ARHGEF7: variants seen among roughly 807,000 people sequenced by gnomAD.
ARHGEF7 encodes the protein PAK-interacting exchange factor beta.
In ARHGEF7, 33 loss-of-function variants were observed where a neutral mutation model predicts 109.8. The observed-to-expected ratio is 0.30, with a 90% CI of 0.23 to 0.40. The LOEUF (loss-of-function observed/expected upper bound fraction) is 0.40. Ranked by LOEUF, ARHGEF7 falls within the 10% of genes least tolerant of loss-of-function variation. The pLI, the probability that ARHGEF7 is intolerant of heterozygous loss-of-function variation, is 1.00. For synonymous variants in ARHGEF7, 458 were observed against 424.6 expected (o/e 1.08, Z -0.97); for missense variants, 938 against 1,098.5 (o/e 0.85, Z 2.07).
intron 2 of ARHGEF7, among the ~76,000 whole-genome samples, chr13:111,158,128 AGTTCT>A (rs767204018): frequency 4.6e-5 from 7 of 152,236 alleles, no homozygotes; most frequent in East Asian, 1.9e-4. Context: ...ATTTTAACTT[AGTTCT>A]GTTTGAAAGA....
intron 2 of ARHGEF7, among the ~76,000 whole-genome samples, chr13:111,176,897 C>G (rs909683796): frequency 6.6e-6 from 1 of 152,222 alleles, no homozygotes; most frequent in Non-Finnish European, 1.5e-5. Flanking sequence ...GCTGGGACTA[C>G]AGGCGTGTAC....
chr13:111,185,637 G>C (rs1389839338), intron 2 of ARHGEF7, among the ~76,000 whole-genome samples: 1 of 152,248 alleles, frequency 6.6e-6, no homozygotes, highest in East Asian at 1.9e-4. Flanking sequence ...CATCTGCCCA[G>C]ATCCTTCTTT....
rs1010455812 is a variant in ARHGEF7 at position 111,302,383 on chromosome 13, G to C, written c.2467-608G>C. 3.9e-5 allele frequency among the ~76,000 whole-genome samples: 6 copies of C among 152,244 alleles called. 1 individual carries two copies. Among genetic ancestry groups the C allele is most frequent in the Admixed American group, 6.5e-5 (1 of 15,288 alleles). ...GAGGAACAGCCTGAGAAGAGTTGTGGTCTGGGATAGAGAGCTGAGAGCAGG... is the reference window on the plus strand; with the variant it reads ...GAGGAACAGCCTGAGAAGAGTTGTGCTCTGGGATAGAGAGCTGAGAGCAGG... On this transcript the variant is annotated intron_variant, in intron 21 of 21. Transcript: ENST00000646102.
chr13:111,205,160 C>G (rs1407971335), intron 2 of ARHGEF7, 129 bp from the exon 3 acceptor site: 6 of 637,726 alleles, frequency 9.4e-6, no homozygotes, highest in Non-Finnish European at 1.6e-5. Context: ...GTGCTGGTCT[C>G]CCTGTCGCAG....
chr13:111,216,241 A>C (rs1288583759), intron 4 of ARHGEF7, among the ~76,000 whole-genome samples: 1 of 151,510 alleles, frequency 6.6e-6, no homozygotes, highest in Non-Finnish European at 1.5e-5. Flanking sequence ...AAGTTCTTTT[A>C]TTTCCCACAA....
intron 2 of ARHGEF7, among the ~76,000 whole-genome samples, chr13:111,187,476 T>C (rs2079387074): frequency 6.6e-6 from 1 of 152,220 alleles, no homozygotes. Flanking sequence ...TCCTGACTTG[T>C]TTGTTGTGCG....
chr13:111,264,424 T>TGATTTGAG (rs965398607), intron 8 of ARHGEF7, among the ~76,000 whole-genome samples: 1 of 152,098 alleles, frequency 6.6e-6, no homozygotes, highest in Non-Finnish European at 1.5e-5. Context: ...TAAAGAAGCA[T>TGATTTGAG]GGTAGAGAAG....
chr13:111,225,977 C>T (rs533299700), intron 5 of ARHGEF7, among the ~76,000 whole-genome samples: 1 of 152,322 alleles, frequency 6.6e-6, no homozygotes, highest in South Asian at 2.1e-4. Flanking sequence ...GTGAGACAGG[C>T]TGAAAGCTAG....
chr13:111,153,669 TC>T, intron 1 of ARHGEF7: 1 of 1,235,682 alleles, frequency 8.1e-7, no homozygotes, highest in Non-Finnish European at 1.0e-6. Flanking sequence ...GGGGCTCACT[TC>T]CTGGTGCGGG....
chr13:111,155,046 T>C (rs945273162), intron 2 of ARHGEF7, among the ~76,000 whole-genome samples: 1 of 152,202 alleles, frequency 6.6e-6, no homozygotes, highest in African/African-American at 2.4e-5. Context: ...ATAATGATTA[T>C]TTACATATCA....
At chr13:111,193,312 T>C (rs1378533585) in intron 2 of ARHGEF7, among the ~76,000 whole-genome samples, 2 of 152,176 alleles carry the variant, frequency 1.3e-5, no homozygotes, top group East Asian at 3.9e-4. Flanking sequence ...GGTCCTTCCG[T>C]AGGTATTTCT....
chr13:111,143,724 A>T (rs1303464470), intron 1 of ARHGEF7: 1 of 152,216 alleles, frequency 6.6e-6, no homozygotes, highest in Non-Finnish European at 1.5e-5. Context: ...GTGGCTGCCG[A>T]TGGAAGTGGC....
intron 11 of ARHGEF7, among the ~76,000 whole-genome samples, chr13:111,275,090 G>T (rs143591934): frequency 6.6e-6 from 1 of 152,266 alleles, no homozygotes; most frequent in African/African-American, 2.4e-5. Context: ...GAACAATGGT[G>T]GTTCCATTTT....
intron 5 of ARHGEF7, among the ~76,000 whole-genome samples, chr13:111,231,077 T>C (rs2085977702): frequency 6.6e-6 from 1 of 152,192 alleles, no homozygotes; most frequent in South Asian, 2.1e-4. Flanking sequence ...TGTTACGAAG[T>C]TCACTTCACC....
intron 2 of ARHGEF7, among the ~76,000 whole-genome samples, chr13:111,194,931 A>G (rs2080318679): frequency 6.6e-6 from 1 of 152,184 alleles, no homozygotes; most frequent in African/African-American, 2.4e-5. Flanking sequence ...AGAGCAGGGT[A>G]TAGGGGTTGG....
intron 5 of ARHGEF7, among the ~76,000 whole-genome samples, chr13:111,221,798 A>G (rs1003439663): frequency 3.3e-5 from 5 of 151,278 alleles, no homozygotes; most frequent in Non-Finnish European, 5.9e-5. Context: ...TCATACACCT[A>G]TGGATTCATA....
In ARHGEF7 at chr13:111,238,638, C is replaced by A. The variant is rs187724464; in HGVS notation, c.760-5234C>A. ...TTTGACAGTGAAAGCACACTCGTTG[C>A]CCCCATGGCATGGTGACTGGCATCT... is the stretch of plus-strand genomic sequence containing the variant. On this transcript the variant is annotated intron_variant, in intron 6 of 21. Transcript: ENST00000646102. 1.6e-4 allele frequency among the ~76,000 whole-genome samples: 24 copies of A among 152,030 alleles called. No individual in the cohort carries two copies. In the East Asian group the frequency reaches 4.1e-3, roughly 26 times the overall value.
intron 16 of ARHGEF7, among the ~76,000 whole-genome samples, chr13:111,285,749 A>G (rs891186038): frequency 9.2e-5 from 14 of 152,070 alleles, no homozygotes; most frequent in South Asian, 2.1e-4. Flanking sequence ...CTCTCTTTCC[A>G]GTTAGCTGTG....
At chr13:111,119,024 T>C (rs831145) in intron 1 of ARHGEF7, among the ~76,000 whole-genome samples, 146,703 of 152,274 alleles carry the variant, frequency 0.96, 70,915 homozygotes, top group Non-Finnish European at 1. Flanking sequence ...AGTCTGGGAT[T>C]AAGGTACCTG....
Sources: gnomAD v4.1 joint callset for allele counts (sites outside exome capture counted in the v4.1 genomes callset) on GRCh38, gnomAD v4.1.1 for gene constraint, MANE v1.5 for transcripts, NCBI Gene and HGNC (gene_info 2026-07-23, HGNC 2026-07-21) for gene names.